MACROD2: variants seen among roughly 807,000 people sequenced by gnomAD.
MACROD2 encodes the protein ADP-ribose glycohydrolase MACROD2.
In MACROD2, 36 loss-of-function variants were observed where a neutral mutation model predicts 70.4. The ratio of observed to expected loss-of-function variants is 0.51; its 90% CI spans 0.39 to 0.68. The LOEUF (loss-of-function observed/expected upper bound fraction) is 0.68. MACROD2 is among the 30% of genes least tolerant of loss of function. The pLI is 0.00. For missense variants in MACROD2, 496 were observed against 538.4 expected, an observed-to-expected ratio of 0.92 and a Z score of 0.78; for synonymous variants, 172 against 178.8, an observed-to-expected ratio of 0.96 and a Z score of 0.30.
chr20:15,164,850 G>A (rs1252359846), intron 5 of MACROD2, among the ~76,000 whole-genome samples: 1 of 152,130 alleles, frequency 6.6e-6, no homozygotes, highest in Non-Finnish European at 1.5e-5. Flanking sequence ...GCAGTGAACT[G>A]TGGTCAGGCC....
intron 5 of MACROD2, among the ~76,000 whole-genome samples, chr20:14,803,660 T>C (rs2072604568): frequency 6.6e-6 from 1 of 151,930 alleles, no homozygotes; most frequent in African/African-American, 2.4e-5. Flanking sequence ...TTTATATTTT[T>C]AGTAGAGACG....
rs1555830595 is a variant in MACROD2 at position 14,789,460 on chromosome 20, A to ATTCTTT, written c.418+104503_418+104504insCTTTTT. 2.3e-3 allele frequency among the ~76,000 whole-genome samples: 113 copies of ATTCTTT among 48,356 alleles called. 4 individuals are homozygous for ATTCTTT. Among genetic ancestry groups the ATTCTTT allele is most frequent in the African/African-American group, 2.7e-3 (31 of 11,672 alleles). The allele number at this position is 48,356 out of a possible 152,430, so 31.7% of individuals were successfully genotyped here. A position where few individuals can be genotyped will look rare whatever the true frequency, so the allele number is the denominator to read the frequency against. On this transcript the variant is annotated intron_variant, in intron 5 of 17. Coordinates refer to ENST00000684519, the MANE Select transcript of MACROD2 (RefSeq NM_001351661.2). ...CTTGTGGATTAATCAGGTAGTGCAA[A>ATTCTTT]TTTTTTTTTTTTTTTTTTTTTTTTT...
At chr20:15,741,641 A>G (rs1233681423) in intron 8 of MACROD2, among the ~76,000 whole-genome samples, 1 of 152,114 alleles carries the variant, frequency 6.6e-6, no homozygotes, top group Non-Finnish European at 1.5e-5. Context: ...GGCACCATAT[A>G]TAAGAAAGCA....
chr20:15,142,274 G>A (rs1391651615), intron 5 of MACROD2, among the ~76,000 whole-genome samples: 1 of 152,114 alleles, frequency 6.6e-6, no homozygotes. Context: ...CTAAAACTTT[G>A]AAAAGACTCC....
At chr20:15,774,939 T>A (rs2051696378) in intron 8 of MACROD2, among the ~76,000 whole-genome samples, 1 of 152,082 alleles carries the variant, frequency 6.6e-6, no homozygotes, top group Admixed American at 6.5e-5. Flanking sequence ...CTGTGCCATA[T>A]CCTATGTGGA....
chr20:15,075,766 T>C (rs1278615870), intron 5 of MACROD2, among the ~76,000 whole-genome samples: 1 of 152,092 alleles, frequency 6.6e-6, no homozygotes, highest in Non-Finnish European at 1.5e-5. Context: ...AAATACAGGC[T>C]CATGACTGGC....
chr20:13,995,612 AGAGCGGC>A lies in MACROD2; in HGVS notation c.-140_-134del, dbSNP rs1350749051. On this transcript the variant is annotated 5_prime_UTR_variant, in exon 1 of 18. Transcript: ENST00000684519. This position sits in a 1 kb window ranked among gnomAD's most constrained non-coding sequence, Gnocchi z 4.3. The stretch of plus-strand genomic sequence containing the variant: ...GCTGAGGGAGGAGGGCGGCGACTGG[AGAGCGGC>A]GAGCGGCGAGCAGCGCAGGACGCAG... 5.3e-6 allele frequency: 4 copies of A among 760,080 alleles called. No homozygotes were observed. Among genetic ancestry groups the A allele is most frequent in the Non-Finnish European group, 9.2e-6 (4 of 432,718 alleles). 47.1% of individuals were successfully genotyped at this position (760,080 alleles called of 1,614,324 possible).
At chr20:14,329,599 C>T (rs1195240450) in intron 3 of MACROD2, among the ~76,000 whole-genome samples, 1 of 151,998 alleles carries the variant, frequency 6.6e-6, no homozygotes, top group East Asian at 1.9e-4. Context: ...AAATTCAAGC[C>T]AGTCTTTAAA....
At chr20:15,885,154 G>A (rs887097120) in intron 9 of MACROD2, among the ~76,000 whole-genome samples, 1 of 152,120 alleles carries the variant, frequency 6.6e-6, no homozygotes, top group African/African-American at 2.4e-5. Flanking sequence ...GAGCAAGCGT[G>A]TCATCTATAG....
intron 3 of MACROD2, among the ~76,000 whole-genome samples, chr20:14,422,420 G>T (rs1185645168): frequency 6.6e-6 from 1 of 152,080 alleles, no homozygotes; most frequent in African/African-American, 2.4e-5. Context: ...AGTCACTACT[G>T]TTAAGGAAAG....
At chr20:14,605,898 T>C (rs1257188352) in intron 4 of MACROD2, among the ~76,000 whole-genome samples, 1 of 152,158 alleles carries the variant, frequency 6.6e-6, no homozygotes, top group Admixed American at 6.5e-5. Flanking sequence ...GAAATGCAGA[T>C]TATAATTGTA....
intron 3 of MACROD2, among the ~76,000 whole-genome samples, chr20:14,290,059 T>C (rs2082373550): frequency 6.6e-6 from 1 of 152,178 alleles, no homozygotes; most frequent in African/African-American, 2.4e-5. Context: ...AAGGTGCTAA[T>C]CATGCACTAA....
intron 6 of MACROD2, among the ~76,000 whole-genome samples, chr20:15,401,274 G>T (rs1008589677): frequency 6.6e-5 from 10 of 152,152 alleles, no homozygotes; most frequent in African/African-American, 2.4e-4. Context: ...TCCTGACCTT[G>T]TGATCCGCCC....
At chr20:14,609,002 CAG>C (rs1213737279) in intron 4 of MACROD2, among the ~76,000 whole-genome samples, 1 of 152,040 alleles carries the variant, frequency 6.6e-6, no homozygotes, top group Non-Finnish European at 1.5e-5. Context: ...AATTGAAGGA[CAG>C]GGGAACTTGG....
chr20:15,563,572 T>C (rs1434344208), intron 8 of MACROD2, among the ~76,000 whole-genome samples: 1 of 152,210 alleles, frequency 6.6e-6, no homozygotes, highest in African/African-American at 2.4e-5. Flanking sequence ...CTAAAACTAT[T>C]AAAAAGTATA....
chr20:15,275,479 G>A (rs1006492262), intron 6 of MACROD2, among the ~76,000 whole-genome samples: 1 of 152,156 alleles, frequency 6.6e-6, no homozygotes, highest in African/African-American at 2.4e-5. Context: ...AAATCTTGCT[G>A]TGCACCCGGT....
intron 8 of MACROD2, among the ~76,000 whole-genome samples, chr20:15,675,550 T>C (rs922149174): frequency 6.6e-6 from 1 of 152,222 alleles, no homozygotes; most frequent in Non-Finnish European, 1.5e-5. Flanking sequence ...AGTTTAGCGC[T>C]GGCAACCCTT....
At chr20:14,373,044 C>A (rs1243755038) in intron 3 of MACROD2, among the ~76,000 whole-genome samples, 1 of 152,130 alleles carries the variant, frequency 6.6e-6, no homozygotes, top group Non-Finnish European at 1.5e-5. Flanking sequence ...CTGCCTTAAA[C>A]CTACTAAAGA....
chr20:15,679,211 TG>T (rs1472597789), intron 8 of MACROD2, among the ~76,000 whole-genome samples: 4 of 135,880 alleles, frequency 2.9e-5, no homozygotes. Flanking sequence ...CACTCCAGCC[TG>T]GGTGACAGAG....
Sources: allele counts gnomAD v4.1 joint callset (sites outside exome capture counted in the v4.1 genomes callset), GRCh38; gene constraint gnomAD v4.1.1; non-coding constraint Gnocchi (gnomAD v3.1); transcripts MANE v1.5; gene names NCBI Gene and HGNC (gene_info 2026-07-23, HGNC 2026-07-21).